The following ATM variants were observed in gnomAD, a reference collection of about 807,000 sequenced individuals.
The protein encoded by ATM is ATM serine/threonine kinase.
A neutral mutation model predicts 387.0 loss-of-function variants in ATM; 308 were observed. The ratio of observed to expected loss-of-function variants is 0.80; its 90% CI spans 0.73 to 0.87. ATM has a LOEUF of 0.87. Among genes scored for constraint, ATM ranks in the 40% least tolerant of loss-of-function variants. The pLI, the probability that ATM is intolerant of heterozygous loss-of-function variation, is 0.00. For missense variants in ATM, 3,312 were observed against 3,560.9 expected (o/e 0.93, Z 1.78); for synonymous variants, 1,156 against 1,187.3 (o/e 0.97, Z 0.54).
chr11:108,277,663 G>A (rs1048765841), intron 22 of ATM, among the ~76,000 whole-genome samples: 1 of 152,230 alleles, frequency 6.6e-6, no homozygotes, highest in African/African-American at 2.4e-5. Context: ...TGCTTCCCGG[G>A]TGAGGCTACA....
intron 4 of ATM, chr11:108,229,924 C>A: frequency 6.6e-6 from 1 of 152,644 alleles, no homozygotes; most frequent in South Asian, 2.0e-4. Context: ...CTCAAGCAGT[C>A]CTCCCCCTGC....
intron 5 of ATM, among the ~76,000 whole-genome samples, chr11:108,239,049 T>G (rs2079435140): frequency 6.6e-6 from 1 of 152,208 alleles, no homozygotes. Flanking sequence ...ATGGATTGAA[T>G]GTTGTGTCCC....
chr11:108,249,524 TTTCTC>T (rs1252367615), intron 9 of ATM, among the ~76,000 whole-genome samples: 2 of 152,244 alleles, frequency 1.3e-5, no homozygotes, highest in East Asian at 1.9e-4. Flanking sequence ...AAAAAGTTAT[TTTCTC>T]TTATTTTCTA....
At chr11:108,306,579 A>AGGT (rs2083703856) in intron 37 of ATM, among the ~76,000 whole-genome samples, 2 of 152,222 alleles carry the variant, frequency 1.3e-5, no homozygotes, top group South Asian at 4.1e-4. Context: ...AACCATTGGA[A>AGGT]GGTAAAGTAA....
chr11:108,310,609 T>G (rs1335978801), intron 39 of ATM, among the ~76,000 whole-genome samples: 2 of 152,140 alleles, frequency 1.3e-5, no homozygotes, highest in African/African-American at 4.8e-5. Flanking sequence ...GCCCTAGCAT[T>G]GAGAACTTAA....
In ATM at chr11:108,305,418, A is replaced by G. The variant is rs574935057; in HGVS notation, c.5674+566A>G. On this transcript the variant is annotated intron_variant, in intron 37 of 62. Coordinates refer to ENST00000675843, the MANE Select transcript of ATM (RefSeq NM_000051.4). ...AACGTGGTGAAACCCCGTCCCTACT[A>G]AAAATACAAAAATTAGCCGGGCATG... is the stretch of plus-strand genomic sequence containing the variant. Among the ~76,000 whole-genome samples the G allele has an allele frequency of 3.3e-5, 5 of 152,190 alleles. No homozygotes were observed. In the East Asian group the frequency reaches 7.7e-4, roughly 24 times the overall value.
intron 57 of ATM, among the ~76,000 whole-genome samples, 200 bp from the exon 58 acceptor site, chr11:108,345,543 C>T (rs1458926093): frequency 6.6e-6 from 1 of 152,146 alleles, no homozygotes; most frequent in East Asian, 1.9e-4. Flanking sequence ...CTTCCTCCCC[C>T]AACAATTAAT....
At chr11:108,330,660 G>GC (rs1170583912) in intron 50 of ATM, among the ~76,000 whole-genome samples, 12 of 152,272 alleles carry the variant, frequency 7.9e-5, no homozygotes, top group Non-Finnish European at 1.5e-4. Flanking sequence ...TGTAAATGAT[G>GC]CAAGTTTGTG....
At position 108,309,461 on chromosome 11, in the gene ATM, A is replaced by G. The variant is rs903975740; in HGVS notation, c.5763-699A>G. On this transcript the variant is annotated intron_variant, in intron 38 of 62. Transcript: ENST00000675843. Reference sequence around the variant, plus strand: ...TGTTCCAGCATTTGCAAGTAAGGAAACTAGGAAACTGAGGTTTAAGAAGTT... The same window carrying G: ...TGTTCCAGCATTTGCAAGTAAGGAAGCTAGGAAACTGAGGTTTAAGAAGTT... Among the ~76,000 whole-genome samples the G allele has an allele frequency of 2.6e-5, 4 of 152,204 alleles. No individual in the cohort carries two copies. The East Asian group carries it at 5.8e-4, about 22-fold the overall frequency.
intron 61 of ATM, among the ~76,000 whole-genome samples, chr11:108,359,501 C>T (rs1310410147): frequency 2.6e-5 from 4 of 151,988 alleles, no homozygotes; most frequent in Non-Finnish European, 2.9e-5. Context: ...ACATTTTTTT[C>T]AGCACCACAC....
In ATM at chr11:108,299,936, G is replaced by A. The variant is rs750957223; in HGVS notation, c.5177+51G>A. ...GTAATCTCAATATGACATTCATGGAGAATGATACTTCACACAAATAGATAT... is the reference window on the plus strand; with the variant it reads ...GTAATCTCAATATGACATTCATGGAAAATGATACTTCACACAAATAGATAT... On this transcript the variant is annotated intron_variant, in intron 34 of 62. Coordinates refer to ENST00000675843, the MANE Select transcript of ATM (RefSeq NM_000051.4). 80 of 1,504,138 alleles carry A rather than the reference G, an allele frequency of 5.3e-5. 1 individual carries two copies. The East Asian group carries it at 1.7e-3, about 33-fold the overall frequency. The allele number at this position is 1,504,138 out of a possible 1,614,324, so 93.2% of individuals were successfully genotyped here.
Position 108,299,855 on chromosome 11 carries a change from C to A in ATM, c.5147C>A (p.Thr1716Asn), listed in dbSNP as rs769232698. The A allele has an allele frequency of 6.2e-7, 1 of 1,613,832 alleles. No homozygotes were observed. The highest frequency in any genetic ancestry group is 8.5e-7 in the Non-Finnish European group (1 of 1,179,872). The change falls in exon 34 of 63, where the codon ACC becomes AAC. Residue 1716 changes from threonine (T) to asparagine (N), a missense_variant. Transcript: ENST00000675843. ...KELQWTFIMLTYLNNTLVEDC... is the reference protein window; with the variant it reads ...KELQWTFIMLNYLNNTLVEDC... ...CTTCAGTGGACCTTCATAATGCTGA[C>A]CTACCTGAATAACACACTGGTAGAA... is the stretch of plus-strand genomic sequence containing the variant.
chr11:108,355,109 T>C (rs1327319490), intron 61 of ATM: 2 of 529,992 alleles, frequency 3.8e-6, no homozygotes, highest in East Asian at 6.3e-5. Flanking sequence ...GTAAGTAGTC[T>C]CTAGTTTTCA....
chr11:108,231,787 G>A lies in ATM; in HGVS notation c.331+2464G>A, dbSNP rs1395102053. 2.0e-5 allele frequency among the ~76,000 whole-genome samples: 3 copies of A among 150,912 alleles called. No homozygotes were observed. In the South Asian group the frequency reaches 6.3e-4, roughly 32 times the overall value. ...ATGCAGATTATTAGTGAATATTTCA[G>A]ATTGGTGGTATGAGACTTGAGTCCA... On this transcript the variant is annotated intron_variant, in intron 4 of 62. Transcript: ENST00000675843.
chr11:108,252,004 G>T lies in ATM; in HGVS notation c.1775G>T (p.Ser592Ile), dbSNP rs776911505. The T allele has an allele frequency of 6.2e-7, 1 of 1,612,924 alleles. No homozygotes were observed. The highest frequency in any genetic ancestry group is 8.5e-7 in the Non-Finnish European group (1 of 1,179,700). The change falls in exon 11 of 63, where the codon AGC becomes ATC. Residue 592 changes from serine to isoleucine, a missense_variant. Transcript: ENST00000675843. Reference protein sequence around the residue: ...FYQLEGDLENSTEVPPILHSN... With the variant: ...FYQLEGDLENITEVPPILHSN... ...CAGTTAGAGGGTGACTTAGAAAATA[G>T]CACAGAAGTGCCTCCAATTCTTCAC...
At chr11:108,235,311 A>G (rs1373872144) in intron 4 of ATM, among the ~76,000 whole-genome samples, 1 of 151,950 alleles carries the variant, frequency 6.6e-6, no homozygotes, top group Non-Finnish European at 1.5e-5. Flanking sequence ...AAAAAAAAAA[A>G]GAATGATTGT....
chr11:108,258,028 C>T (rs1407934418), intron 15 of ATM, among the ~76,000 whole-genome samples: 2 of 152,102 alleles, frequency 1.3e-5, no homozygotes, highest in East Asian at 1.9e-4. Context: ...TCCTTAGTAG[C>T]TGGGACTACA....
chr11:108,359,377 G>C (rs1020562231), intron 61 of ATM, among the ~76,000 whole-genome samples: 1 of 152,002 alleles, frequency 6.6e-6, no homozygotes, highest in Non-Finnish European at 1.5e-5. Flanking sequence ...GTCAACATTA[G>C]ACAGATCAAC....
chr11:108,328,919 T>C, intron 48 of ATM, 102 bp from the exon 49 acceptor site: 2 of 1,224,118 alleles, frequency 1.6e-6, no homozygotes, highest in Non-Finnish European at 2.3e-6. Context: ...AGCTTTTATA[T>C]GTATATAAGT....
Sources: gnomAD v4.1 joint callset for allele counts (sites outside exome capture counted in the v4.1 genomes callset) on GRCh38, gnomAD v4.1.1 for gene constraint, MANE v1.5 for transcripts, NCBI Gene and HGNC (gene_info 2026-07-23, HGNC 2026-07-21) for gene names.